The following MYO5B variants were observed in gnomAD, a reference collection of about 807,000 sequenced individuals.
MYO5B encodes myosin VB.
Under a neutral mutation model 229.3 loss-of-function variants are expected in MYO5B, and 143 were observed. The ratio of observed to expected loss-of-function variants is 0.62; its 90% CI spans 0.54 to 0.72. The LOEUF (loss-of-function observed/expected upper bound fraction) is 0.72, where lower values mean the gene tolerates loss of function less well. MYO5B is among the 30% of genes least tolerant of loss of function. The pLI is 0.00. For missense variants in MYO5B, 2,321 were observed against 2,331.0 expected, an observed-to-expected ratio of 1.00 and a Z score of 0.09; for synonymous variants, 918 against 885.2, an observed-to-expected ratio of 1.04 and a Z score of -0.66.
intron 18 of MYO5B, among the ~76,000 whole-genome samples, chr18:49,907,348 C>T (rs1440364974): frequency 6.6e-6 from 1 of 152,084 alleles, no homozygotes; most frequent in Non-Finnish European, 1.5e-5. Flanking sequence ...GCAAATAACC[C>T]CCAAATAAAA....
intron 1 of MYO5B, among the ~76,000 whole-genome samples, chr18:50,191,880 T>G (rs941518401): frequency 6.6e-6 from 1 of 152,198 alleles, no homozygotes; most frequent in Admixed American, 6.5e-5. Context: ...CAGGGCAACA[T>G]GAATTCTACT....
intron 1 of MYO5B, among the ~76,000 whole-genome samples, chr18:50,116,265 A>G (rs2031960576): frequency 1.3e-5 from 2 of 152,164 alleles, no homozygotes; most frequent in Non-Finnish European, 2.9e-5. Context: ...TCTGCAGTAT[A>G]GGCGGAGTAC....
chr18:49,965,778 T>C (rs1034447852), intron 10 of MYO5B, among the ~76,000 whole-genome samples: 5 of 151,968 alleles, frequency 3.3e-5, no homozygotes, highest in African/African-American at 1.2e-4. Flanking sequence ...AGAAGTTTCA[T>C]GAAAAAGGAA....
intron 12 of MYO5B, 123 bp downstream of exon 12, chr18:49,962,143 G>A (rs2025566482): frequency 3.1e-6 from 4 of 1,290,772 alleles, no homozygotes; most frequent in African/African-American, 2.9e-5. Flanking sequence ...GCCTGCCAAC[G>A]CTTCTTCCAG....
chr18:49,916,046 C>A (rs2025010725), intron 17 of MYO5B, among the ~76,000 whole-genome samples: 1 of 152,224 alleles, frequency 6.6e-6, no homozygotes, highest in Non-Finnish European at 1.5e-5. Context: ...CAGGTGCGGG[C>A]TCCCCCTTTA....
At chr18:49,924,833 G>A (rs2025111823) in intron 17 of MYO5B, among the ~76,000 whole-genome samples, 1 of 152,096 alleles carries the variant, frequency 6.6e-6, no homozygotes, top group Admixed American at 6.5e-5. Flanking sequence ...ACATCCTGAT[G>A]CACCCATCCC....
chr18:49,869,783 GCCCTATCCCAGC>G (rs2024437236), intron 27 of MYO5B, among the ~76,000 whole-genome samples: 1 of 151,848 alleles, frequency 6.6e-6, no homozygotes, highest in Non-Finnish European at 1.5e-5. Flanking sequence ...AGATGGGTGG[GCCCTATCCCAGC>G]CTTCTGATTC....
chr18:49,824,877 G>A lies in MYO5B; in HGVS notation c.*1594C>T, dbSNP rs1025155165. On this transcript the variant is annotated 3_prime_UTR_variant, in exon 40 of 40. Coordinates refer to ENST00000285039, the MANE Select transcript of MYO5B (RefSeq NM_001080467.3). The stretch of plus-strand genomic sequence containing the variant: ...CCATGACAACTGATTGGAACACAAT[G>A]TCAGCAGCCTTAACCCAGGCTAAGA... 28 of 152,206 alleles carry A rather than the reference G, an allele frequency of 1.8e-4. No homozygotes were observed. Among genetic ancestry groups the A allele is most frequent in the African/African-American group, 6.5e-4 (27 of 41,446 alleles). 9.4% of individuals were successfully genotyped at this position (152,206 alleles called of 1,614,324 possible).
intron 1 of MYO5B, chr18:50,097,203 T>C: frequency 2.2e-6 from 1 of 456,594 alleles, no homozygotes. Context: ...TCCCCACAGA[T>C]GTCATCACTC....
chr18:50,061,734 A>G (rs1438715321), intron 1 of MYO5B, among the ~76,000 whole-genome samples: 1 of 152,178 alleles, frequency 6.6e-6, no homozygotes, highest in African/African-American at 2.4e-5. Context: ...CAAGTGATGA[A>G]TGCACTGTCA....
intron 22 of MYO5B, among the ~76,000 whole-genome samples, chr18:49,883,183 C>G (rs183628613): frequency 3.5e-4 from 53 of 152,248 alleles, no homozygotes; most frequent in African/African-American, 1.3e-3. Flanking sequence ...CTAGCCAGGG[C>G]AATAGGCAAG....
At chr18:50,077,502 A>AACACACACACACACACACACACACAC (rs60086500) in intron 1 of MYO5B, among the ~76,000 whole-genome samples, 73 of 133,348 alleles carry the variant, frequency 5.5e-4, no homozygotes, top group Non-Finnish European at 8.6e-4. Context: ...CACACACACA[A>AACACACACACACACACACACACACAC]ACACACACAC....
chr18:50,114,756 G>C (rs1014120048), intron 1 of MYO5B, among the ~76,000 whole-genome samples: 1 of 152,184 alleles, frequency 6.6e-6, no homozygotes, highest in African/African-American at 2.4e-5. Context: ...AATAAAAATG[G>C]AAGGGCAGGA....
chr18:49,920,577 A>G (rs1399574457), intron 17 of MYO5B, among the ~76,000 whole-genome samples: 3 of 152,140 alleles, frequency 2.0e-5, no homozygotes, highest in Non-Finnish European at 4.4e-5. Flanking sequence ...TGCAGAGGGA[A>G]GGAAACACAA....
chr18:49,995,998 C>A (rs1027527105), intron 5 of MYO5B, among the ~76,000 whole-genome samples: 1 of 152,178 alleles, frequency 6.6e-6, no homozygotes, highest in Non-Finnish European at 1.5e-5. Context: ...TCAGCAAAGG[C>A]CAGTTGGTGG....
intron 1 of MYO5B, among the ~76,000 whole-genome samples, chr18:50,108,784 C>G (rs2031809986): frequency 6.6e-6 from 1 of 152,178 alleles, no homozygotes; most frequent in Admixed American, 6.5e-5. Flanking sequence ...ATTGAGGATA[C>G]CAGGTATGTA....
chr18:49,852,462 G>T (rs2024213098), intron 31 of MYO5B, among the ~76,000 whole-genome samples: 2 of 152,204 alleles, frequency 1.3e-5, no homozygotes, highest in African/African-American at 4.8e-5. Context: ...TCATGTGTAT[G>T]TAAGTGCTAT....
rs777963032 is a variant in MYO5B, at chr18:50,171,311, T to C, written c.27+23456A>G. On this transcript the variant is annotated intron_variant, in intron 1 of 39. Transcript: ENST00000285039. The stretch of plus-strand genomic sequence containing the variant: ...CATGAGAGGAGATGCCAAGACCATG[T>C]AATGGATGGACACGATTTACAGTAA... Among the ~76,000 whole-genome samples, 2 of 128,152 alleles carry C rather than the reference T, an allele frequency of 1.6e-5. 1 individual carries two copies. The highest frequency in any genetic ancestry group is 3.3e-5 in the Non-Finnish European group (2 of 59,990). 84.1% of individuals were successfully genotyped at this position (128,152 alleles called of 152,430 possible). A position where few individuals can be genotyped will look rare whatever the true frequency, so the allele number is the denominator to read the frequency against.
chr18:50,186,097 C>A (rs890945016), intron 1 of MYO5B, among the ~76,000 whole-genome samples: 4 of 152,156 alleles, frequency 2.6e-5, no homozygotes, highest in African/African-American at 9.7e-5. Context: ...AACACATAAC[C>A]AATATAAGAA....
Sources: allele counts gnomAD v4.1 joint callset (sites outside exome capture counted in the v4.1 genomes callset), GRCh38; gene constraint gnomAD v4.1.1; transcripts MANE v1.5; gene names NCBI Gene and HGNC (gene_info 2026-07-23, HGNC 2026-07-21).